The following TLE6 variants were observed in gnomAD, a reference collection of about 807,000 sequenced individuals.
TLE6 encodes the protein transducin-like enhancer protein 6.
A neutral mutation model predicts 77.1 loss-of-function variants in TLE6; 72 were observed. The observed-to-expected ratio is 0.93, with a 90% confidence interval of 0.77 to 1.14. The LOEUF (loss-of-function observed/expected upper bound fraction) is 1.14, where lower values mean the gene tolerates loss of function less well. Among genes scored for constraint, TLE6 ranks in the 50% most tolerant of loss-of-function variants. The pLI is 0.00. For missense variants in TLE6, 843 were observed against 747.6 expected (o/e 1.13, Z -1.49); for synonymous variants, 366 against 287.3 (o/e 1.27, Z -2.77).
intron 5 of TLE6, among the ~76,000 whole-genome samples, chr19:2,986,286 C>T (rs955696467): frequency 4.6e-5 from 7 of 151,456 alleles, no homozygotes; most frequent in African/African-American, 1.7e-4. Context: ...CGTGGTGGTG[C>T]ATACCTGTAA....
rs1237960944 is a variant in TLE6, at chr19:2,994,579, C to T, written c.1615-321C>T. Among the ~76,000 whole-genome samples the T allele has an allele frequency of 3.5e-4, 53 of 151,992 alleles. 1 individual carries two copies. Reference sequence around the variant, plus strand: ...GAGCCAAGATTGTGCCACTGCACTCCAGCCTGGGTGACAGAGACTCCATCT... The same window carrying T: ...GAGCCAAGATTGTGCCACTGCACTCTAGCCTGGGTGACAGAGACTCCATCT... On this transcript the variant is annotated intron_variant, in intron 16 of 16. Transcript: ENST00000246112.
intron 5 of TLE6, among the ~76,000 whole-genome samples, chr19:2,983,336 G>GCCC (rs2088837644): frequency 6.6e-6 from 1 of 152,220 alleles, no homozygotes; most frequent in South Asian, 2.1e-4. Flanking sequence ...GTTAGGGGAT[G>GCCC]AGGGCTGGGC....
At chr19:2,991,415 CACACACACACAT>C (rs1295301172) in intron 13 of TLE6, among the ~76,000 whole-genome samples, 21 of 148,374 alleles carry the variant, frequency 1.4e-4, no homozygotes, top group African/African-American at 5.2e-4. Flanking sequence ...CACACACACA[CACACACACACAT>C]ATATATAATA....
intron 2 of TLE6, 95 bp downstream of exon 2, chr19:2,978,379 C>A: frequency 2.4e-6 from 3 of 1,259,518 alleles, no homozygotes; most frequent in Non-Finnish European, 3.4e-6. Context: ...CTGGCCCCGC[C>A]CAGGCCTCGC....
intron 16 of TLE6, 61 bp from the exon 17 acceptor site, chr19:2,994,839 A>T (rs401886): frequency 1.1e-6 from 1 of 943,304 alleles, no homozygotes; most frequent in East Asian, 2.6e-5. Context: ...TTGAGCTGAC[A>T]GGTGGAGACC....
At chr19:2,981,463 G>T (rs1389486919) in intron 3 of TLE6, 75 bp from the exon 4 acceptor site, 25 of 1,480,886 alleles carry the variant, frequency 1.7e-5, no homozygotes, top group Non-Finnish European at 2.1e-5. Flanking sequence ...CTCCCTAGGG[G>T]TTGAGGGTGG....
rs139450520 is a variant in TLE6, at chr19:2,988,573, G to A, written c.740+445G>A. On this transcript the variant is annotated intron_variant, in intron 11 of 16. Transcript: ENST00000246112. Reference sequence around the variant, plus strand: ...AGATCGCGCCACTGCACTCCAGCCTGAGTGACAGCAAGACTCCGTCTCAAA... The same window carrying A: ...AGATCGCGCCACTGCACTCCAGCCTAAGTGACAGCAAGACTCCGTCTCAAA... 3.5e-3 allele frequency among the ~76,000 whole-genome samples: 539 copies of A among 152,208 alleles called. 4 individuals carry two copies. The highest frequency in any genetic ancestry group is 0.012 in the African/African-American group (507 of 41,542).
intron 16 of TLE6, 44 bp from the exon 17 acceptor site, chr19:2,994,856 G>A (rs747782708): frequency 4.3e-6 from 5 of 1,169,988 alleles, no homozygotes; most frequent in South Asian, 1.3e-5. Context: ...GACCAGGGGT[G>A]TGTGAGCCCT....
intron 14 of TLE6, among the ~76,000 whole-genome samples, chr19:2,992,793 A>ACGGGGGGGG (rs1487334518): frequency 3.0e-4 from 6 of 19,752 alleles, no homozygotes; most frequent in African/African-American, 1.5e-3. Flanking sequence ...AAAAAAAAAA[A>ACGGGGGGGG]GGGGGGGAGG....
At chr19:2,978,586 TA>T (rs759075421) in intron 2 of TLE6, among the ~76,000 whole-genome samples, 1 of 151,992 alleles carries the variant, frequency 6.6e-6, no homozygotes, top group Non-Finnish European at 1.5e-5. Context: ...CCTGTCTCTG[TA>T]AAAAATAAAA....
At position 2,987,499 on chromosome 19, in the gene TLE6, C is replaced by CG. The variant is rs1234766183; in HGVS notation, c.558+134dup. The CG allele has an allele frequency of 5.0e-5, 71 of 1,410,078 alleles. No homozygotes were observed. In the South Asian group the frequency reaches 5.3e-4, roughly 10 times the overall value. 87.3% of individuals were successfully genotyped at this position (1,410,078 alleles called of 1,614,324 possible). A position where few individuals can be genotyped will look rare whatever the true frequency, so the allele number is the denominator to read the frequency against. Reference sequence around the variant, plus strand: ...CTTCCATCCTGCCCCTCGGGTCCCCCGGGGGGGACTTGGGTGATCCAGGAG... The same window carrying CG: ...CTTCCATCCTGCCCCTCGGGTCCCCCGGGGGGGGACTTGGGTGATCCAGGAG... On this transcript the variant is annotated intron_variant, in intron 8 of 16. Coordinates refer to ENST00000246112, the MANE Select transcript of TLE6 (RefSeq NM_001143986.2).
intron 8 of TLE6, 80 bp from the exon 9 acceptor site, chr19:2,987,644 T>C (rs1390464842): frequency 1.1e-5 from 16 of 1,516,246 alleles, no homozygotes; most frequent in Middle Eastern, 1.7e-4. Flanking sequence ...ACAAGCCCTG[T>C]GCAAGCTGCC....
chr19:2,989,466 CATG>C, intron 12 of TLE6, 66 bp from the exon 13 acceptor site: 1 of 1,574,244 alleles, frequency 6.4e-7, no homozygotes, highest in Non-Finnish European at 8.6e-7. Flanking sequence ...AGTTCGCTCT[CATG>C]AGGCAAAGCA....
chr19:2,989,453 A>T (rs373376065), intron 12 of TLE6, 82 bp from the exon 13 acceptor site: 1 of 1,569,362 alleles, frequency 6.4e-7, no homozygotes, highest in East Asian at 2.2e-5. Context: ...AAGGATGAAT[A>T]GGAGTTCGCT....
At chr19:2,992,007 T>C in intron 14 of TLE6, 23 bp downstream of exon 14, 1 of 1,610,452 alleles carries the variant, frequency 6.2e-7, no homozygotes, top group South Asian at 1.1e-5. Context: ...GGATGGGGTC[T>C]GCTTGGCCAG....
At chr19:2,984,745 G>T (rs1218357774) in intron 5 of TLE6, among the ~76,000 whole-genome samples, 2 of 152,066 alleles carry the variant, frequency 1.3e-5, no homozygotes, top group Non-Finnish European at 2.9e-5. Flanking sequence ...TGGGATTACC[G>T]GTGTGAGCCA....
rs780786928 is a variant in TLE6 at position 2,989,196 on chromosome 19, G to A, written c.876G>A (p.Thr292=). Reference sequence around the variant, plus strand: ...CACACGGGGAGCTCGTGCTCGCCACGGCCATCAGCAGCTTCACGCGGCACG... The same window carrying A: ...CACACGGGGAGCTCGTGCTCGCCACAGCCATCAGCAGCTTCACGCGGCACG... The part of the protein sequence containing the change: ...ILAHGELVLA[T]AISSFTRHVF... Residue 292 remains threonine (T), a synonymous_variant, in exon 12 of 17, where the codon ACG becomes ACA. Transcript: ENST00000246112. The A allele has an allele frequency of 1.4e-5, 23 of 1,614,138 alleles. No homozygotes were observed. Among genetic ancestry groups the A allele is most frequent in the Middle Eastern group, 1.6e-4 (1 of 6,062 alleles).
At chr19:2,981,913 G>A (rs1019107825) in intron 4 of TLE6, among the ~76,000 whole-genome samples, 2 of 151,810 alleles carry the variant, frequency 1.3e-5, no homozygotes, top group Non-Finnish European at 2.9e-5. Context: ...CAGAGGTTGC[G>A]GTGAACTGAG....
At chr19:2,988,949 G>GA (rs2088977394) in intron 11 of TLE6, 112 bp from the exon 12 acceptor site, 2 of 1,497,038 alleles carry the variant, frequency 1.3e-6, no homozygotes, top group East Asian at 2.3e-5. Context: ...CAAGGCCTGA[G>GA]AGAGGGACCC....
Sources: gnomAD v4.1 joint callset for allele counts (sites outside exome capture counted in the v4.1 genomes callset) on GRCh38, gnomAD v4.1.1 for gene constraint, MANE v1.5 for transcripts, NCBI Gene and HGNC (gene_info 2026-07-23, HGNC 2026-07-21) for gene names.